ARID5B: variants seen among roughly 807,000 people sequenced by gnomAD.
ARID5B encodes the protein AT-rich interactive domain-containing protein 5B.
A neutral mutation model predicts 97.2 loss-of-function variants in ARID5B; 13 were observed. The observed-to-expected ratio is 0.13, with a 90% CI of 0.09 to 0.21. ARID5B has a LOEUF of 0.21. Ranked by LOEUF, ARID5B falls within the 10% of genes least tolerant of loss-of-function variation. The probability of loss-of-function intolerance (pLI) is 1.00; values close to 1 mark genes in which losing one functional copy is unlikely to be tolerated. For synonymous variants in ARID5B, 556 were observed against 570.3 expected, an observed-to-expected ratio of 0.97 and a Z score of 0.36; for missense variants, 1,210 against 1,465.3, an observed-to-expected ratio of 0.83 and a Z score of 2.84.
At chr10:62,024,757 A>T (rs1839398822) in intron 4 of ARID5B, 1 of 394,588 alleles carries the variant, frequency 2.5e-6, no homozygotes, top group South Asian at 1.3e-4. Flanking sequence ...AAAAGTTTTC[A>T]CGGGTAGATA....
chr10:61,996,803 C>G (rs1340508826), intron 3 of ARID5B, among the ~76,000 whole-genome samples: 1 of 150,944 alleles, frequency 6.6e-6, no homozygotes, highest in Non-Finnish European at 1.5e-5. Flanking sequence ...GCAAAAGTGG[C>G]AGAGAGAAGA....
chr10:62,067,283 A>G (rs989110107), intron 7 of ARID5B, among the ~76,000 whole-genome samples: 1 of 151,958 alleles, frequency 6.6e-6, no homozygotes, highest in African/African-American at 2.4e-5. Flanking sequence ...GGGTTTCTCC[A>G]TGTTGGTCAG....
chr10:61,973,648 T>C (rs758759545), intron 3 of ARID5B, among the ~76,000 whole-genome samples: 1 of 152,192 alleles, frequency 6.6e-6, no homozygotes, highest in East Asian at 1.9e-4. Context: ...ATCTTTATTA[T>C]TGATTTTCTG....
chr10:62,055,797 A>G (rs1293625006), intron 5 of ARID5B, among the ~76,000 whole-genome samples: 1 of 152,220 alleles, frequency 6.6e-6, no homozygotes, highest in Non-Finnish European at 1.5e-5. Context: ...AGAATAAGCA[A>G]TGAAGAACTC....
intron 7 of ARID5B, among the ~76,000 whole-genome samples, chr10:62,065,642 G>A (rs1204909912): frequency 6.6e-6 from 1 of 151,990 alleles, no homozygotes; most frequent in African/African-American, 2.4e-5. Context: ...TCAGGAGATC[G>A]AGACCATCCT....
chr10:62,058,229 A>G (rs1589278106), intron 6 of ARID5B, among the ~76,000 whole-genome samples: 1 of 152,202 alleles, frequency 6.6e-6, no homozygotes, highest in Non-Finnish European at 1.5e-5. Flanking sequence ...CTTGAAATAG[A>G]AGTAAAATTA....
At chr10:62,074,609 G>T (rs969968717) in intron 8 of ARID5B, among the ~76,000 whole-genome samples, 2 of 152,220 alleles carry the variant, frequency 1.3e-5, no homozygotes, top group African/African-American at 4.8e-5. Flanking sequence ...CATGGATAAA[G>T]GCTGGGGAAG....
chr10:61,972,084 CAGAA>C (rs1838635237), intron 3 of ARID5B, among the ~76,000 whole-genome samples: 2 of 151,806 alleles, frequency 1.3e-5, no homozygotes, highest in Admixed American at 1.3e-4. Flanking sequence ...TACAAAGAAA[CAGAA>C]AGAAAAAAAT....
At chr10:61,981,385 G>A (rs900866241) in intron 3 of ARID5B, among the ~76,000 whole-genome samples, 1 of 152,076 alleles carries the variant, frequency 6.6e-6, no homozygotes, top group Admixed American at 6.5e-5. Context: ...GGGTTCAAGC[G>A]ATTCTCCTGC....
At chr10:61,957,406 C>T (rs558940613) in intron 3 of ARID5B, among the ~76,000 whole-genome samples, 2 of 152,266 alleles carry the variant, frequency 1.3e-5, no homozygotes, top group East Asian at 3.9e-4. Flanking sequence ...GTAGCTGAGA[C>T]TACAGGTGCA....
At position 62,094,193 on chromosome 10, in the gene ARID5B, T is replaced by G. The variant is rs917146271; in HGVS notation, c.*1163T>G. The G allele has an allele frequency of 2.6e-5, 6 of 232,524 alleles. No homozygotes were observed. The highest frequency in any genetic ancestry group is 1.3e-4 in the African/African-American group (6 of 45,330). The allele number at this position is 232,524 out of a possible 1,614,324, so 14.4% of individuals were successfully genotyped here. On this transcript the variant is annotated 3_prime_UTR_variant, in exon 10 of 10. Coordinates refer to ENST00000279873, the MANE Select transcript of ARID5B (RefSeq NM_032199.3). ...AGAACAGGAGCCAAAATGATTTACA[T>G]TGGCGTTGGCACTGATTCCTTTAAA...
intron 3 of ARID5B, among the ~76,000 whole-genome samples, chr10:61,957,657 G>A (rs1437575086): frequency 6.6e-6 from 1 of 152,142 alleles, no homozygotes; most frequent in Non-Finnish European, 1.5e-5. Flanking sequence ...AACTTAGTAT[G>A]AAAAAGAATA....
chr10:62,051,084 TGGA>T (rs771958639), intron 5 of ARID5B, 84 bp downstream of exon 5: 24 of 1,142,022 alleles, frequency 2.1e-5, no homozygotes, highest in Non-Finnish European at 2.3e-5. Context: ...GCCTGTGTCT[TGGA>T]GGCAGTTTTC....
intron 2 of ARID5B, among the ~76,000 whole-genome samples, chr10:61,906,092 AG>A (rs1843703209): frequency 6.6e-6 from 1 of 152,202 alleles, no homozygotes; most frequent in Admixed American, 6.5e-5. Context: ...GGATGACTAT[AG>A]ATTGTTGGTG....
At chr10:62,083,862 G>T (rs1840247963) in intron 8 of ARID5B, among the ~76,000 whole-genome samples, 1 of 152,234 alleles carries the variant, frequency 6.6e-6, no homozygotes, top group Admixed American at 6.5e-5. Context: ...TGGGGGGAAT[G>T]TTGGGGACTT....
chr10:61,950,307 G>A (rs1247038074), intron 3 of ARID5B, among the ~76,000 whole-genome samples: 3 of 152,000 alleles, frequency 2.0e-5, no homozygotes, highest in African/African-American at 4.8e-5. Flanking sequence ...TGCCTGGCCC[G>A]GACCATCATG....
intron 2 of ARID5B, among the ~76,000 whole-genome samples, chr10:61,902,802 C>T (rs938341499): frequency 6.6e-5 from 10 of 150,912 alleles, no homozygotes; most frequent in African/African-American, 2.4e-4. Context: ...TCGTGTCTGG[C>T]TCGGTCGTGT....
At chr10:62,024,997 G>T in intron 4 of ARID5B, 1 of 221,296 alleles carries the variant, frequency 4.5e-6, no homozygotes, top group Non-Finnish European at 8.8e-6. Context: ...ATTCGTTTTC[G>T]TAGAACATTA....
chr10:61,988,005 T>C (rs913560813), intron 3 of ARID5B, among the ~76,000 whole-genome samples: 8 of 152,174 alleles, frequency 5.3e-5, no homozygotes, highest in Non-Finnish European at 7.3e-5. Context: ...TTGGGAAAGG[T>C]GGCTAAACTA....
Sources: gnomAD v4.1 joint callset for allele counts (sites outside exome capture counted in the v4.1 genomes callset) on GRCh38, gnomAD v4.1.1 for gene constraint, MANE v1.5 for transcripts, NCBI Gene and HGNC (gene_info 2026-07-23, HGNC 2026-07-21) for gene names.